GALNTL6: variants seen among roughly 807,000 people sequenced by gnomAD.
GALNTL6 encodes polypeptide N-acetylgalactosaminyltransferase like 6, also known as polypeptide N-acetylgalactosaminyltransferase-like 6.
GALNTL6 carries 46 observed loss-of-function variants against 73.7 expected under a neutral mutation model. That is an observed-to-expected ratio of 0.62 (90% CI 0.49 to 0.80). The LOEUF is 0.80. Among genes scored for constraint, GALNTL6 ranks in the 30% least tolerant of loss-of-function variants. The pLI is 0.00. For missense variants in GALNTL6, 604 were observed against 755.0 expected, an observed-to-expected ratio of 0.80 and a Z score of 2.34; for synonymous variants, 259 against 263.7, an observed-to-expected ratio of 0.98 and a Z score of 0.17.
chr4:172,328,245 G>C (rs1377142186), intron 4 of GALNTL6, among the ~76,000 whole-genome samples: 1 of 152,050 alleles, frequency 6.6e-6, no homozygotes, highest in African/African-American at 2.4e-5. Flanking sequence ...TAGAGTTTCT[G>C]CTGAGAGGTC....
intron 2 of GALNTL6, among the ~76,000 whole-genome samples, chr4:172,087,898 C>T (rs1390001669): frequency 6.6e-6 from 1 of 151,890 alleles, no homozygotes; most frequent in Admixed American, 6.6e-5. Context: ...AGTTAATTAG[C>T]CATAGTTAAA....
At chr4:172,799,618 G>A (rs1470601093) in intron 5 of GALNTL6, among the ~76,000 whole-genome samples, 1 of 152,126 alleles carries the variant, frequency 6.6e-6, no homozygotes, top group East Asian at 1.9e-4. Context: ...TACAAAAAGA[G>A]TCAAAAGGAC....
chr4:172,613,604 A>C (rs1490614876), intron 5 of GALNTL6, among the ~76,000 whole-genome samples: 1 of 151,676 alleles, frequency 6.6e-6, no homozygotes, highest in Admixed American at 6.6e-5. Flanking sequence ...AAAAAGGAAA[A>C]ACCTATGATT....
At chr4:171,838,932 C>G (rs1011103970) in intron 2 of GALNTL6, among the ~76,000 whole-genome samples, 1 of 152,128 alleles carries the variant, frequency 6.6e-6, no homozygotes, top group Admixed American at 6.6e-5. Flanking sequence ...AGGGACTGCT[C>G]TCTGCCGTCT....
intron 2 of GALNTL6, among the ~76,000 whole-genome samples, chr4:172,167,214 C>G (rs920885642): frequency 6.6e-6 from 1 of 152,142 alleles, no homozygotes; most frequent in Non-Finnish European, 1.5e-5. Flanking sequence ...TTGTAAAGAT[C>G]TTCTTAGTTG....
chr4:171,951,785 G>C (rs996164667), intron 2 of GALNTL6, among the ~76,000 whole-genome samples: 1 of 151,858 alleles, frequency 6.6e-6, no homozygotes, highest in African/African-American at 2.4e-5. Flanking sequence ...AAGAAATTAC[G>C]CTAAATTATA....
At chr4:172,538,706 C>A (rs2110866960) in intron 5 of GALNTL6, among the ~76,000 whole-genome samples, 1 of 152,092 alleles carries the variant, frequency 6.6e-6, no homozygotes, top group Admixed American at 6.5e-5. Context: ...AGGTCCAGAA[C>A]TCAAAGTATA....
At chr4:172,648,294 G>GT (rs1351674670) in intron 5 of GALNTL6, among the ~76,000 whole-genome samples, 1 of 152,076 alleles carries the variant, frequency 6.6e-6, no homozygotes, top group Non-Finnish European at 1.5e-5. Context: ...AGCTTCTAAA[G>GT]TAAGTTGTCA....
chr4:172,087,423 CA>C (rs1732075514), intron 2 of GALNTL6, among the ~76,000 whole-genome samples: 1 of 118,262 alleles, frequency 8.5e-6, no homozygotes, highest in African/African-American at 3.2e-5. Flanking sequence ...CCAGCCTGGG[CA>C]ACAGAGTTAG....
At chr4:172,984,329 G>A (rs1438573378) in intron 10 of GALNTL6, among the ~76,000 whole-genome samples, 3 of 152,116 alleles carry the variant, frequency 2.0e-5, no homozygotes, top group Non-Finnish European at 2.9e-5. Flanking sequence ...GAGAATAAGT[G>A]CTGAGCAAAG....
At chr4:171,953,731 C>A (rs917804898) in intron 2 of GALNTL6, among the ~76,000 whole-genome samples, 11 of 151,998 alleles carry the variant, frequency 7.2e-5, no homozygotes, top group African/African-American at 2.4e-4. Context: ...GCCAATGACA[C>A]AAATAACTGC....
Position 171,987,969 on chromosome 4 carries a change from C to T in GALNTL6, c.138+173251C>T, listed in dbSNP as rs553022396. 9.4e-3 allele frequency among the ~76,000 whole-genome samples: 1,425 copies of T among 152,212 alleles called. 27 individuals are homozygous for T. The highest frequency in any genetic ancestry group is 0.032 in the African/African-American group (1,348 of 41,532). On this transcript the variant is annotated intron_variant, in intron 2 of 12. Transcript: ENST00000506823. ...TATGGGACTTAACAAAGAGTGAGTA[C>T]AGCTGAAGGAGCCGGGGAGCAGAAA...
At chr4:172,141,670 C>G (rs1015860177) in intron 2 of GALNTL6, among the ~76,000 whole-genome samples, 1 of 151,562 alleles carries the variant, frequency 6.6e-6, no homozygotes, top group Non-Finnish European at 1.5e-5. Flanking sequence ...AAGAGGATGG[C>G]AGAATTGAAG....
intron 7 of GALNTL6, among the ~76,000 whole-genome samples, chr4:172,866,273 T>G (rs73000168): frequency 0.026 from 3,892 of 152,240 alleles, 155 homozygotes; most frequent in African/African-American, 0.088. Flanking sequence ...GGATGGTGTG[T>G]GTGAGTGCAT....
chr4:172,994,889 A>C (rs1325540352), intron 10 of GALNTL6, among the ~76,000 whole-genome samples: 2 of 152,172 alleles, frequency 1.3e-5, no homozygotes, highest in Non-Finnish European at 2.9e-5. Context: ...AATGGTCCTG[A>C]ATCTTACACA....
At chr4:172,031,577 AG>A (rs1338323065) in intron 2 of GALNTL6, among the ~76,000 whole-genome samples, 1 of 152,070 alleles carries the variant, frequency 6.6e-6, no homozygotes, top group African/African-American at 2.4e-5. Context: ...ATCTTTATTG[AG>A]TGGCAAGGAA....
intron 8 of GALNTL6, among the ~76,000 whole-genome samples, chr4:172,919,628 A>T (rs1747695960): frequency 6.6e-6 from 1 of 152,234 alleles, no homozygotes; most frequent in Non-Finnish European, 1.5e-5. Context: ...AAATGTTTTT[A>T]AAACTTTGAT....
At chr4:172,726,267 C>T (rs1211919995) in intron 5 of GALNTL6, among the ~76,000 whole-genome samples, 10 of 152,182 alleles carry the variant, frequency 6.6e-5, no homozygotes, top group African/African-American at 1.4e-4. Flanking sequence ...GGATCAAAGG[C>T]CAGGTTCCGA....
intron 2 of GALNTL6, among the ~76,000 whole-genome samples, chr4:172,111,673 TG>T (rs1732854968): frequency 1.3e-5 from 2 of 152,060 alleles, no homozygotes; most frequent in African/African-American, 2.4e-5. Context: ...GTGAGATACT[TG>T]GGGGTAATTT....
Sources: allele counts gnomAD v4.1 joint callset (sites outside exome capture counted in the v4.1 genomes callset), GRCh38; gene constraint gnomAD v4.1.1; transcripts MANE v1.5; gene names NCBI Gene and HGNC (gene_info 2026-07-23, HGNC 2026-07-21).